Variants in AKR1E2 observed in about 807,000 individuals in gnomAD.
The protein encoded by AKR1E2 is 1,5-anhydro-D-fructose reductase.
Under a neutral mutation model 41.9 loss-of-function variants are expected in AKR1E2, and 43 were observed. That is an observed-to-expected ratio of 1.03 (90% CI 0.80 to 1.32). AKR1E2 has a LOEUF of 1.32. AKR1E2 is among the 40% of genes most tolerant of loss of function. The pLI, the probability that AKR1E2 is intolerant of heterozygous loss-of-function variation, is 0.00. For missense variants in AKR1E2, 423 were observed against 396.5 expected (o/e 1.07, Z -0.57); for synonymous variants, 121 against 138.9 (o/e 0.87, Z 0.91).
intron 1 of AKR1E2, among the ~76,000 whole-genome samples, chr10:4,827,153 T>G (rs1257387533): frequency 6.6e-6 from 1 of 152,098 alleles, no homozygotes; most frequent in Non-Finnish European, 1.5e-5. Flanking sequence ...GATCTCATGT[T>G]GTTCCCTGTT....
downstream of AKR1E2, among the ~76,000 whole-genome samples, chr10:4,852,593 G>T (rs527691443): frequency 0.2 from 6,104 of 30,192 alleles, 124 homozygotes; most frequent in East Asian, 0.45. Flanking sequence ...TGCAGGGACA[G>T]ACCTTCACCA....
At chr10:4,839,954 T>C (rs992463403) in intron 6 of AKR1E2, 128 bp downstream of exon 6, 20 of 833,400 alleles carry the variant, frequency 2.4e-5, no homozygotes, top group Middle Eastern at 3.5e-4. Context: ...GATGGTACTA[T>C]AGGGGGCTGT....
chr10:4,856,221 T>C, the AKR1E2 span, among the ~76,000 whole-genome samples: 1 of 152,224 alleles, frequency 6.6e-6, no homozygotes, highest in Non-Finnish European at 1.5e-5. Context: ...AATAATTGTC[T>C]TAAGTTAGAG....
chr10:4,856,368 G>A, the AKR1E2 span, among the ~76,000 whole-genome samples: 2 of 152,180 alleles, frequency 1.3e-5, no homozygotes, highest in African/African-American at 4.8e-5. Flanking sequence ...TGGAATAAAA[G>A]CACAACAGGT....
At chr10:4,829,775 T>A (rs1832829354) in intron 1 of AKR1E2, among the ~76,000 whole-genome samples, 1 of 152,206 alleles carries the variant, frequency 6.6e-6, no homozygotes, top group African/African-American at 2.4e-5. Context: ...TCGTGTCAGT[T>A]TTTTAAAAAG....
intron 5 of AKR1E2, among the ~76,000 whole-genome samples, chr10:4,838,024 G>T (rs1420629380): frequency 1.3e-5 from 2 of 152,240 alleles, no homozygotes; most frequent in Admixed American, 1.3e-4. Flanking sequence ...TTAATGCAGA[G>T]AAAAGACTTG....
intron 8 of AKR1E2, among the ~76,000 whole-genome samples, chr10:4,844,836 G>A (rs1020542771): frequency 2.0e-5 from 3 of 151,914 alleles, no homozygotes; most frequent in African/African-American, 4.8e-5. Context: ...CACCAGTCAG[G>A]AGCCTAGCTG....
intron 5 of AKR1E2, among the ~76,000 whole-genome samples, chr10:4,839,069 T>C (rs1268092247): frequency 6.6e-6 from 1 of 152,234 alleles, no homozygotes; most frequent in Non-Finnish European, 1.5e-5. Flanking sequence ...ACTATTTATT[T>C]TAAATCTCCT....
At chr10:4,837,215 C>G (rs970424381) in intron 4 of AKR1E2, among the ~76,000 whole-genome samples, 2 of 152,224 alleles carry the variant, frequency 1.3e-5, no homozygotes, top group African/African-American at 2.4e-5. Context: ...CCATGTAGAC[C>G]TGTCCTGAAG....
At chr10:4,857,293 G>A in the AKR1E2 span, among the ~76,000 whole-genome samples, 3 of 152,154 alleles carry the variant, frequency 2.0e-5, no homozygotes, top group Admixed American at 2.0e-4. Context: ...GGAGGTGATT[G>A]GATCATGGGG....
downstream of AKR1E2, among the ~76,000 whole-genome samples, chr10:4,852,045 A>G (rs1472511855): frequency 1.3e-5 from 2 of 152,168 alleles, no homozygotes; most frequent in Non-Finnish European, 2.9e-5. Context: ...TCTTGGCAGT[A>G]TTGACGAGTA....
rs1832494080 is a variant in AKR1E2, at chr10:4,826,318, G to A, written c.-7G>A. On this transcript the variant is annotated 5_prime_UTR_variant, in exon 1 of 10. Coordinates refer to ENST00000298375, the MANE Select transcript of AKR1E2 (RefSeq NM_001040177.3). ...GCGGCGGGGCGGCGGGGCGGCCGGC[G>A]GCGGCCATGGGAGATATCCCAGCCG... 3.2e-6 allele frequency: 4 copies of A among 1,232,186 alleles called. No homozygotes were observed. Among genetic ancestry groups the A allele is most frequent in the South Asian group, 8.2e-5 (2 of 24,322 alleles). 76.3% of individuals were successfully genotyped at this position (1,232,186 alleles called of 1,614,324 possible).
At chr10:4,865,893 T>G in the AKR1E2 span, among the ~76,000 whole-genome samples, 2 of 152,180 alleles carry the variant, frequency 1.3e-5, no homozygotes, top group Non-Finnish European at 2.9e-5. Context: ...TTCATCATTA[T>G]TCATTTGGAA....
At chr10:4,842,554 T>C in intron 8 of AKR1E2, 50 bp downstream of exon 8, 1 of 1,540,604 alleles carries the variant, frequency 6.5e-7, no homozygotes, top group Non-Finnish European at 9.0e-7. Context: ...ATGTGTTAGA[T>C]GGGAAGGGAT....
rs1564255076 is a variant in AKR1E2 at position 4,830,663 on chromosome 10, T to C, written c.40-12T>C. ...GACTGTGAGAAGACACTTTGTTTTGTTGGTTTTGCAGGCTTCTCCAGGGAA... is the reference window on the plus strand; with the variant it reads ...GACTGTGAGAAGACACTTTGTTTTGCTGGTTTTGCAGGCTTCTCCAGGGAA... On this transcript the variant is annotated splice_polypyrimidine_tract_variant and intron_variant, in intron 1 of 9. Coordinates refer to ENST00000298375, the MANE Select transcript of AKR1E2 (RefSeq NM_001040177.3). The C allele has an allele frequency of 1.2e-6, 2 of 1,613,282 alleles. No homozygotes were observed. The highest frequency in any genetic ancestry group is 1.1e-5 in the South Asian group (1 of 91,032).
At chr10:4,833,201 GTCCT>G in intron 2 of AKR1E2, 145 bp from the exon 3 acceptor site, 1 of 693,452 alleles carries the variant, frequency 1.4e-6, no homozygotes, top group Non-Finnish European at 2.6e-6. Context: ...TAATGTCCCT[GTCCT>G]CCCATCAGAA....
intron 6 of AKR1E2, among the ~76,000 whole-genome samples, chr10:4,841,193 T>C (rs773717299): frequency 9.2e-5 from 14 of 152,080 alleles, no homozygotes; most frequent in Non-Finnish European, 1.6e-4. Context: ...TCGAGGACGA[T>C]ACTAGCACAA....
intron 1 of AKR1E2, among the ~76,000 whole-genome samples, chr10:4,827,939 C>T (rs1318434759): frequency 6.6e-6 from 1 of 152,120 alleles, no homozygotes; most frequent in Non-Finnish European, 1.5e-5. Context: ...TTAGTGAAAA[C>T]TGTGCTTAAC....
chr10:4,853,442 CAAAA>C, the AKR1E2 span, among the ~76,000 whole-genome samples: 1 of 114,746 alleles, frequency 8.7e-6, no homozygotes, highest in Non-Finnish European at 1.9e-5. Context: ...AACTTGTTGC[CAAAA>C]AAAAAAAAAA....
Sources: gnomAD v4.1 joint callset for allele counts (sites outside exome capture counted in the v4.1 genomes callset) on GRCh38, gnomAD v4.1.1 for gene constraint, MANE v1.5 for transcripts, NCBI Gene and HGNC (gene_info 2026-07-23, HGNC 2026-07-21) for gene names.